RARRES1: variants seen among roughly 807,000 people sequenced by gnomAD.
RARRES1 encodes the protein retinoic acid receptor responder 1.
In RARRES1, 34 loss-of-function variants were observed where a neutral mutation model predicts 30.6. That is an observed-to-expected ratio of 1.11 (90% CI 0.84 to 1.48). RARRES1 has a LOEUF of 1.48. Ranked by LOEUF, RARRES1 falls within the 40% of genes most tolerant of loss-of-function variation. The probability of loss-of-function intolerance (pLI) is 0.00; values close to 1 mark genes in which losing one functional copy is unlikely to be tolerated. For synonymous variants in RARRES1, 153 were observed against 155.5 expected, an observed-to-expected ratio of 0.98 and a Z score of 0.12; for missense variants, 373 against 386.5, an observed-to-expected ratio of 0.97 and a Z score of 0.29.
In RARRES1 at chr3:158,728,499, G is replaced by A. The variant is rs1047695137; in HGVS notation, c.276+3641C>T. On this transcript the variant is annotated intron_variant, in intron 1 of 5. Transcript: ENST00000237696. ...AAACCTGAGTTTGGAGGGATCAATC[G>A]TGGTTTCTTTTTCTTTCTTTTTTTT... Among the ~76,000 whole-genome samples the A allele has an allele frequency of 6.4e-5, 7 of 108,736 alleles. No individual in the cohort carries two copies. In the East Asian group the frequency reaches 1.8e-3, roughly 28 times the overall value. The allele number at this position is 108,736 out of a possible 152,430, so 71.3% of individuals were successfully genotyped here.
intron 1 of RARRES1, among the ~76,000 whole-genome samples, chr3:158,715,806 G>A (rs1024992143): frequency 2.6e-5 from 4 of 152,152 alleles, no homozygotes; most frequent in African/African-American, 9.7e-5. Context: ...ATGCCTGACA[G>A]TGGCTGGACA....
chr3:158,720,276 G>A (rs1260819574), intron 1 of RARRES1, among the ~76,000 whole-genome samples: 1 of 144,898 alleles, frequency 6.9e-6, no homozygotes, highest in African/African-American at 2.6e-5. Flanking sequence ...ATGTGTGTGA[G>A]AGAGAGAGAG....
At chr3:158,708,670 AT>A (rs896941470) in intron 3 of RARRES1, among the ~76,000 whole-genome samples, 42 of 147,674 alleles carry the variant, frequency 2.8e-4, no homozygotes, top group South Asian at 1.3e-3. Flanking sequence ...ATCTGCTGAG[AT>A]TTTTTTTTTT....
intron 1 of RARRES1, among the ~76,000 whole-genome samples, chr3:158,728,580 G>A (rs550262253): frequency 6.7e-6 from 1 of 148,364 alleles, no homozygotes; most frequent in South Asian, 2.1e-4. Context: ...CTGGAGTGCA[G>A]TGGCATGATC....
chr3:158,705,853 A>G (rs894252003), intron 3 of RARRES1: 1 of 152,212 alleles, frequency 6.6e-6, no homozygotes, highest in Admixed American at 6.5e-5. Context: ...AAAATCTTTT[A>G]AATTTGGCAA....
intron 4 of RARRES1, among the ~76,000 whole-genome samples, chr3:158,703,710 A>T (rs1726812169): frequency 1.3e-5 from 2 of 152,184 alleles, no homozygotes; most frequent in Non-Finnish European, 2.9e-5. Context: ...TAGTACTACC[A>T]GCCAGTCCTC....
chr3:158,716,358 A>G (rs1727321991), intron 1 of RARRES1, among the ~76,000 whole-genome samples: 1 of 152,220 alleles, frequency 6.6e-6, no homozygotes, highest in African/African-American at 2.4e-5. Context: ...CGCCAGTGAT[A>G]CATTCGGGCA....
intron 3 of RARRES1, among the ~76,000 whole-genome samples, chr3:158,708,822 A>G (rs141867158): frequency 0.012 from 1,878 of 152,174 alleles, 38 homozygotes; most frequent in African/African-American, 0.044. Flanking sequence ...GCATGCCACC[A>G]TGCCTGGCTA....
chr3:158,730,976 T>C lies in RARRES1; in HGVS notation c.276+1164A>G, dbSNP rs373223707. The stretch of plus-strand genomic sequence containing the variant: ...TTTTGTATTTTTAGTAGAGACAGGG[T>C]TTCTCCATGTTGGTCAGGCTGGTCT... On this transcript the variant is annotated intron_variant, in intron 1 of 5. Coordinates refer to ENST00000237696, the MANE Select transcript of RARRES1 (RefSeq NM_206963.2). 2.7e-5 allele frequency among the ~76,000 whole-genome samples: 4 copies of C among 150,374 alleles called. No individual in the cohort carries two copies. In the East Asian group the frequency reaches 6.0e-4, roughly 23 times the overall value.
chr3:158,715,402 G>A, intron 1 of RARRES1, among the ~76,000 whole-genome samples: 1 of 152,184 alleles, frequency 6.6e-6, no homozygotes, highest in Non-Finnish European at 1.5e-5. Flanking sequence ...GTGGGATGTA[G>A]GGGTTGGAAT....
intron 2 of RARRES1, among the ~76,000 whole-genome samples, chr3:158,711,962 T>C (rs1209095548): frequency 6.6e-6 from 1 of 152,198 alleles, no homozygotes; most frequent in Non-Finnish European, 1.5e-5. Context: ...TCCAGAAACA[T>C]CTGGAGCTTC....
At chr3:158,699,809 CTCTT>C (rs1422666423) in intron 4 of RARRES1, among the ~76,000 whole-genome samples, 4 of 152,312 alleles carry the variant, frequency 2.6e-5, no homozygotes, top group Non-Finnish European at 4.4e-5. Flanking sequence ...AATTCAGTGT[CTCTT>C]TCTTAAGGGA....
At chr3:158,729,640 G>A (rs1727807419) in intron 1 of RARRES1, among the ~76,000 whole-genome samples, 1 of 152,004 alleles carries the variant, frequency 6.6e-6, no homozygotes, top group African/African-American at 2.4e-5. Context: ...TTTTAGTAGA[G>A]AAGGGGTTTC....
chr3:158,709,988 G>T (rs1229235606), intron 3 of RARRES1, among the ~76,000 whole-genome samples: 1 of 152,204 alleles, frequency 6.6e-6, no homozygotes, highest in African/African-American at 2.4e-5. Flanking sequence ...GGCTCATCTG[G>T]CCTTGGAGTG....
chr3:158,707,269 G>A (rs1246652413), intron 3 of RARRES1, among the ~76,000 whole-genome samples: 3 of 152,150 alleles, frequency 2.0e-5, no homozygotes, highest in Non-Finnish European at 2.9e-5. Flanking sequence ...TGTACATAGA[G>A]TAGAAGCCAA....
At chr3:158,727,329 G>A (rs980870225) in intron 1 of RARRES1, among the ~76,000 whole-genome samples, 3 of 152,186 alleles carry the variant, frequency 2.0e-5, no homozygotes, top group African/African-American at 7.2e-5. Flanking sequence ...CTCCCCATAT[G>A]CTTTGATCAA....
At chr3:158,726,108 T>C (rs1727674680) in intron 1 of RARRES1, among the ~76,000 whole-genome samples, 1 of 152,230 alleles carries the variant, frequency 6.6e-6, no homozygotes, top group African/African-American at 2.4e-5. Flanking sequence ...TTATTACTTA[T>C]CTTCTCCCTT....
intron 1 of RARRES1, among the ~76,000 whole-genome samples, chr3:158,720,749 C>T (rs61794799): frequency 0.19 from 28,683 of 152,038 alleles, 2,843 homozygotes; most frequent in Non-Finnish European, 0.23. Flanking sequence ...ATTCTCCGGG[C>T]CGCCTTTATC....
At chr3:158,709,376 G>A (rs1436944900) in intron 3 of RARRES1, among the ~76,000 whole-genome samples, 1 of 152,184 alleles carries the variant, frequency 6.6e-6, no homozygotes, top group Non-Finnish European at 1.5e-5. Flanking sequence ...TCCTAAATAA[G>A]TGTAGATTTA....
Sources: allele counts gnomAD v4.1 joint callset (sites outside exome capture counted in the v4.1 genomes callset), GRCh38; gene constraint gnomAD v4.1.1; transcripts MANE v1.5; gene names NCBI Gene and HGNC (gene_info 2026-07-23, HGNC 2026-07-21).